ROBO1: variants seen among roughly 807,000 people sequenced by gnomAD.
ROBO1 encodes roundabout homolog 1.
In ROBO1, 149 loss-of-function variants were observed where a neutral mutation model predicts 195.9. That is an observed-to-expected ratio of 0.76 (90% CI 0.67 to 0.87). The LOEUF (loss-of-function observed/expected upper bound fraction) is 0.87. Ranked by LOEUF, ROBO1 falls within the 40% of genes least tolerant of loss-of-function variation. The pLI, the probability that ROBO1 is intolerant of heterozygous loss-of-function variation, is 0.00. For synonymous variants in ROBO1, 816 were observed against 733.2 expected, an observed-to-expected ratio of 1.11 and a Z score of -1.82; for missense variants, 1,933 against 2,068.3, an observed-to-expected ratio of 0.93 and a Z score of 1.27.
At chr3:79,632,755 A>G (rs1945381480) in intron 1 of ROBO1, among the ~76,000 whole-genome samples, 1 of 152,186 alleles carries the variant, frequency 6.6e-6, no homozygotes, top group Admixed American at 6.6e-5. Context: ...CACAAAAAAC[A>G]TTACTTCTAA....
At chr3:78,606,368 T>C (rs765729471) in intron 29 of ROBO1, among the ~76,000 whole-genome samples, 2 of 152,322 alleles carry the variant, frequency 1.3e-5, no homozygotes, top group African/African-American at 2.4e-5. Flanking sequence ...AGATGGTCTC[T>C]GGCCCCAAAT....
At chr3:79,673,319 T>TGTGTGG (rs1384744930) in intron 1 of ROBO1, among the ~76,000 whole-genome samples, 1 of 151,976 alleles carries the variant, frequency 6.6e-6, no homozygotes, top group East Asian at 1.9e-4. Context: ...GTTTTATATG[T>TGTGTGG]GTGTGGGTGT....
chr3:78,864,870 T>C (rs1362204446), intron 4 of ROBO1, among the ~76,000 whole-genome samples: 1 of 152,182 alleles, frequency 6.6e-6, no homozygotes, highest in African/African-American at 2.4e-5. Flanking sequence ...AAAGGGTTAC[T>C]ACTACCCAAT....
At chr3:79,084,116 C>T (rs890434363) in intron 3 of ROBO1, among the ~76,000 whole-genome samples, 8 of 152,154 alleles carry the variant, frequency 5.3e-5, no homozygotes, top group Admixed American at 3.3e-4. Context: ...TAGACAGTTG[C>T]TAGATTTGAA....
intron 2 of ROBO1, among the ~76,000 whole-genome samples, chr3:79,319,741 T>C (rs2033893272): frequency 6.6e-6 from 1 of 152,170 alleles, no homozygotes; most frequent in African/African-American, 2.4e-5. Flanking sequence ...TCCTGTTCTG[T>C]TATTGTAATT....
chr3:79,667,730 GTCA>G (rs375005207), intron 1 of ROBO1, among the ~76,000 whole-genome samples: 110 of 151,746 alleles, frequency 7.2e-4, no homozygotes, highest in Non-Finnish European at 8.8e-5. Context: ...AGCAATCACT[GTCA>G]TCATATCATT....
intron 1 of ROBO1, among the ~76,000 whole-genome samples, chr3:79,723,567 A>T (rs1702789482): frequency 1.3e-5 from 2 of 152,178 alleles, no homozygotes; most frequent in Non-Finnish European, 2.9e-5. Context: ...TGGACATATT[A>T]TGCTTGATAT....
chr3:79,640,858 G>C (rs868571985), intron 1 of ROBO1, among the ~76,000 whole-genome samples: 5 of 152,110 alleles, frequency 3.3e-5, no homozygotes, highest in Admixed American at 3.3e-4. Context: ...TCAAAGTCAA[G>C]AGTTAAATCC....
chr3:79,414,070 G>C (rs1324308323), intron 2 of ROBO1, among the ~76,000 whole-genome samples: 1 of 151,938 alleles, frequency 6.6e-6, no homozygotes, highest in Non-Finnish European at 1.5e-5. Flanking sequence ...TCCTAATAAT[G>C]TATAATAGCT....
At chr3:78,931,754 C>A (rs1286327998) in intron 4 of ROBO1, among the ~76,000 whole-genome samples, 3 of 152,054 alleles carry the variant, frequency 2.0e-5, no homozygotes, top group African/African-American at 7.2e-5. Context: ...TCATTTGAGA[C>A]CAGGAGTTTG....
intron 1 of ROBO1, among the ~76,000 whole-genome samples, chr3:79,617,921 TAAA>T (rs56857468): frequency 0.29 from 41,524 of 144,268 alleles, 6,947 homozygotes; most frequent in African/African-American, 0.47. Flanking sequence ...AGAGATATAT[TAAA>T]AAAAAAAAAA....
chr3:79,447,259 AAGAAACTG>A (rs2039293441), intron 2 of ROBO1, among the ~76,000 whole-genome samples: 1 of 152,196 alleles, frequency 6.6e-6, no homozygotes, highest in Admixed American at 6.5e-5. Flanking sequence ...AGGCTCATTG[AAGAAACTG>A]AGAATGTATG....
intron 2 of ROBO1, among the ~76,000 whole-genome samples, chr3:79,435,677 A>C (rs958945581): frequency 2.6e-5 from 4 of 152,108 alleles, no homozygotes; most frequent in Non-Finnish European, 5.9e-5. Flanking sequence ...AAATTGAGTA[A>C]AGGAATTTGT....
chr3:79,503,577 A>G (rs766941208), intron 2 of ROBO1, among the ~76,000 whole-genome samples: 1 of 152,152 alleles, frequency 6.6e-6, no homozygotes, highest in Non-Finnish European at 1.5e-5. Flanking sequence ...TCATCTCTAT[A>G]AACAACAAAA....
Position 79,241,339 on chromosome 3 carries a change from G to T in ROBO1, c.89-115800C>A, listed in dbSNP as rs552382224. 1.2e-4 allele frequency among the ~76,000 whole-genome samples: 18 copies of T among 152,224 alleles called. No homozygotes were observed. The South Asian group carries it at 3.7e-3, about 32-fold the overall frequency. ...GAATATCTATGTTCCTATATGTTTA[G>T]ATTGCCATACATTCATTTATTATTC... On this transcript the variant is annotated intron_variant, in intron 2 of 30. Coordinates refer to ENST00000464233, the MANE Select transcript of ROBO1 (RefSeq NM_002941.4).
chr3:79,064,222 AT>A (rs2078968373), intron 3 of ROBO1, among the ~76,000 whole-genome samples: 1 of 151,990 alleles, frequency 6.6e-6, no homozygotes, highest in Non-Finnish European at 1.5e-5. Flanking sequence ...CAGTTATTAT[AT>A]GCCAATTGTA....
At chr3:78,789,485 A>C (rs2083952858) in intron 4 of ROBO1, among the ~76,000 whole-genome samples, 1 of 152,190 alleles carries the variant, frequency 6.6e-6, no homozygotes, top group African/African-American at 2.4e-5. Flanking sequence ...GAGTAGCATA[A>C]ATTATATTTC....
At chr3:79,352,044 A>C (rs2109268866) in intron 2 of ROBO1, among the ~76,000 whole-genome samples, 1 of 152,282 alleles carries the variant, frequency 6.6e-6, no homozygotes, top group East Asian at 1.9e-4. Flanking sequence ...ATCCCAACAA[A>C]GGTAATTTTG....
rs2034815527 is a variant in ROBO1, at chr3:78,861,192, A to C, written c.499+77409T>G. ...ATCTTCTCACTCAGAAAATCTATTCATCACATCTCCATAATCTTGGAATAA... is the reference window on the plus strand; with the variant it reads ...ATCTTCTCACTCAGAAAATCTATTCCTCACATCTCCATAATCTTGGAATAA... On this transcript the variant is annotated intron_variant, in intron 4 of 30. Coordinates refer to ENST00000464233, the MANE Select transcript of ROBO1 (RefSeq NM_002941.4). 2.6e-5 allele frequency among the ~76,000 whole-genome samples: 4 copies of C among 152,176 alleles called. No individual in the cohort carries two copies. The South Asian group carries it at 8.3e-4, about 32-fold the overall frequency.
Sources: allele counts gnomAD v4.1 joint callset (sites outside exome capture counted in the v4.1 genomes callset), GRCh38; gene constraint gnomAD v4.1.1; transcripts MANE v1.5; gene names NCBI Gene and HGNC (gene_info 2026-07-23, HGNC 2026-07-21).